PDE10A: variants seen among roughly 807,000 people sequenced by gnomAD.
PDE10A encodes cAMP and cAMP-inhibited cGMP 3',5'-cyclic phosphodiesterase 10A.
In PDE10A, 39 loss-of-function variants were observed where a neutral mutation model predicts 97.7. That is an observed-to-expected ratio of 0.40 (90% CI 0.31 to 0.52). PDE10A has a LOEUF of 0.52. Among genes scored for constraint, PDE10A ranks in the 20% least tolerant of loss-of-function variants. The pLI, the probability that PDE10A is intolerant of heterozygous loss-of-function variation, is 0.56. For synonymous variants in PDE10A, 371 were observed against 376.8 expected (o/e 0.98, Z 0.18); for missense variants, 731 against 1,047.8 (o/e 0.70, Z 4.17).
Position 165,388,705 on chromosome 6 carries a change from C to G in PDE10A, c.2455-252G>C, listed in dbSNP as rs1785468375. On this transcript the variant is annotated intron_variant, in intron 16 of 21. Transcript: ENST00000539869. This position sits in a 1 kb window ranked among gnomAD's most constrained non-coding sequence, Gnocchi z 4.0. Reference sequence around the variant, plus strand: ...TGATAGTCAAATTATTTTTGAGTTTCTCTCTCAACTCTAGGAAAAGGTGCA... The same window carrying G: ...TGATAGTCAAATTATTTTTGAGTTTGTCTCTCAACTCTAGGAAAAGGTGCA... 6.6e-6 allele frequency among the ~76,000 whole-genome samples: 1 copy of G among 152,070 alleles called. No homozygotes were observed. Among genetic ancestry groups the G allele is most frequent in the Admixed American group, 6.6e-5 (1 of 15,260 alleles).
rs180794098 is a variant in PDE10A, at chr6:165,473,422, G to T, written c.1023+8893C>A. Among the ~76,000 whole-genome samples, 37 of 152,306 alleles carry T rather than the reference G, an allele frequency of 2.4e-4. 1 individual carries two copies. The highest frequency in any genetic ancestry group is 2.3e-3 in the Admixed American group (35 of 15,298). ...ATAGGAACAGGATCCAAGCCCAGGT[G>T]TTGGAAGTCGTCTTCAGAAGGTAAA... On this transcript the variant is annotated intron_variant, in intron 3 of 21. Transcript: ENST00000539869.
intron 2 of PDE10A, among the ~76,000 whole-genome samples, chr6:165,515,089 A>G (rs973452437): frequency 3.3e-5 from 5 of 152,146 alleles, no homozygotes; most frequent in African/African-American, 4.8e-5. Flanking sequence ...GATCAAAACT[A>G]TTTTCAGAAT....
intron 18 of PDE10A, among the ~76,000 whole-genome samples, chr6:165,343,830 G>A (rs1782130071): frequency 6.6e-6 from 1 of 152,200 alleles, no homozygotes; most frequent in Non-Finnish European, 1.5e-5. Flanking sequence ...TATGGATCAG[G>A]CTTTCATTTT....
chr6:165,528,270 A>T (rs1782569073), intron 2 of PDE10A, among the ~76,000 whole-genome samples: 1 of 152,138 alleles, frequency 6.6e-6, no homozygotes, highest in Non-Finnish European at 1.5e-5. Context: ...GCAGAGGAGG[A>T]GTTTAGTAAT....
chr6:165,737,650 G>A (rs529349402), intron 1 of PDE10A, among the ~76,000 whole-genome samples: 11 of 152,306 alleles, frequency 7.2e-5, no homozygotes, highest in African/African-American at 2.4e-4. Context: ...CAACAAGGTG[G>A]TATAGAAGAA....
intron 1 of PDE10A, among the ~76,000 whole-genome samples, chr6:165,840,027 CCCA>C (rs1780212489): frequency 3.8e-3 from 5 of 1,304 alleles, no homozygotes; most frequent in Admixed American, 6.4e-3. Context: ...TGCATCCATT[CCCA>C]TTCCCATCTC....
At chr6:165,763,344 A>G (rs371427594) in intron 1 of PDE10A, among the ~76,000 whole-genome samples, 1 of 152,152 alleles carries the variant, frequency 6.6e-6, no homozygotes, top group East Asian at 1.9e-4. Flanking sequence ...TGTTTTTGAG[A>G]TGGAGTCTTG....
chr6:165,620,375 T>TAA (rs1788069487), intron 1 of PDE10A, among the ~76,000 whole-genome samples: 1 of 151,704 alleles, frequency 6.6e-6, no homozygotes, highest in African/African-American at 2.4e-5. Flanking sequence ...AGTATCTGAG[T>TAA]AAAATATCTT....
chr6:165,492,638 C>T (rs886118007), intron 2 of PDE10A, among the ~76,000 whole-genome samples: 1 of 152,108 alleles, frequency 6.6e-6, no homozygotes, highest in African/African-American at 2.4e-5. Context: ...CAAAATCCAG[C>T]ATCCCATTAT....
chr6:165,544,176 A>T (rs529373839), intron 1 of PDE10A, among the ~76,000 whole-genome samples: 1 of 152,210 alleles, frequency 6.6e-6, no homozygotes, highest in South Asian at 2.1e-4. Flanking sequence ...AAATGAATAC[A>T]TTATTATCTT....
intron 1 of PDE10A, among the ~76,000 whole-genome samples, chr6:165,575,323 C>A (rs1229792377): frequency 6.6e-6 from 1 of 152,176 alleles, no homozygotes; most frequent in Non-Finnish European, 1.5e-5. Flanking sequence ...GCAGCCAGAC[C>A]AAGACTGTTC....
chr6:165,658,356 C>T (rs919542376), intron 1 of PDE10A, among the ~76,000 whole-genome samples: 1 of 152,172 alleles, frequency 6.6e-6, no homozygotes, highest in Non-Finnish European at 1.5e-5. Flanking sequence ...TGAAGCTATC[C>T]GCAGTCTGCA....
intron 6 of PDE10A, among the ~76,000 whole-genome samples, chr6:165,433,864 C>A (rs220824): frequency 0.38 from 56,808 of 150,636 alleles, 11,713 homozygotes; most frequent in African/African-American, 0.55. Context: ...AAATACAAAA[C>A]AAATTAGCCG....
At chr6:165,953,094 G>A (rs1158729862) in intron 1 of PDE10A, among the ~76,000 whole-genome samples, 4 of 152,094 alleles carry the variant, frequency 2.6e-5, no homozygotes, top group African/African-American at 7.2e-5. Flanking sequence ...TCAACTTCTC[G>A]GCATTGTAGT....
In PDE10A at chr6:165,461,958, C is replaced by T. The variant is rs1451849528; in HGVS notation, c.1024-11596G>A. 3.9e-5 allele frequency among the ~76,000 whole-genome samples: 6 copies of T among 152,220 alleles called. No individual in the cohort carries two copies. In the East Asian group the frequency reaches 9.6e-4, roughly 24 times the overall value. ...CAAATGGATGTCACACATGTTCCCTCGTTTGGGAGACTAGCTTATGTACAT... is the reference window on the plus strand; with the variant it reads ...CAAATGGATGTCACACATGTTCCCTTGTTTGGGAGACTAGCTTATGTACAT... On this transcript the variant is annotated intron_variant, in intron 3 of 21. Coordinates refer to ENST00000539869, the MANE Select transcript of PDE10A (RefSeq NM_001385079.1).
intron 1 of PDE10A, among the ~76,000 whole-genome samples, chr6:165,649,675 C>T (rs1789578906): frequency 6.6e-6 from 1 of 152,180 alleles, no homozygotes; most frequent in African/African-American, 2.4e-5. Flanking sequence ...AATCAAATCC[C>T]TGTCACAACA....
intron 19 of PDE10A, among the ~76,000 whole-genome samples, chr6:165,340,217 G>A (rs553101666): frequency 1.3e-5 from 2 of 152,184 alleles, no homozygotes; most frequent in South Asian, 4.1e-4. Flanking sequence ...TTATTTATTT[G>A]TTAAAGGTAA....
intron 1 of PDE10A, among the ~76,000 whole-genome samples, chr6:165,741,310 G>A (rs1792714605): frequency 6.6e-6 from 1 of 151,984 alleles, no homozygotes; most frequent in South Asian, 2.1e-4. Flanking sequence ...ATATATGTAC[G>A]TTTGAAAAAT....
chr6:165,587,672 T>C (rs943942980), intron 1 of PDE10A, among the ~76,000 whole-genome samples: 2 of 148,686 alleles, frequency 1.3e-5, no homozygotes, highest in African/African-American at 4.9e-5. Context: ...AATTTTTTTT[T>C]CCTATTTACC....
Sources: allele counts gnomAD v4.1 joint callset (sites outside exome capture counted in the v4.1 genomes callset), GRCh38; gene constraint gnomAD v4.1.1; non-coding constraint Gnocchi (gnomAD v3.1); transcripts MANE v1.5; gene names NCBI Gene and HGNC (gene_info 2026-07-23, HGNC 2026-07-21).